The following PPP1CB variants were observed in gnomAD, a reference collection of about 807,000 sequenced individuals.
The protein encoded by PPP1CB is serine/threonine-protein phosphatase PP1-beta catalytic subunit.
In PPP1CB, 2 loss-of-function variants were observed where a neutral mutation model predicts 43.7. The ratio of observed to expected loss-of-function variants is 0.05; its 90% CI spans 0.02 to 0.14. The LOEUF (loss-of-function observed/expected upper bound fraction) is 0.14. Among genes scored for constraint, PPP1CB ranks in the 10% least tolerant of loss-of-function variants. The probability of loss-of-function intolerance (pLI) is 1.00; values close to 1 mark genes in which losing one functional copy is unlikely to be tolerated. For synonymous variants in PPP1CB, 136 were observed against 135.6 expected (o/e 1.00, Z -0.02); for missense variants, 84 against 398.0 (o/e 0.21, Z 6.71).
intron 1 of PPP1CB, 106 bp downstream of exon 1, chr2:28,752,282 G>A (rs905378380): frequency 2.7e-6 from 3 of 1,106,650 alleles, no homozygotes; most frequent in Non-Finnish European, 3.8e-6. Context: ...CCCGCCCCGA[G>A]ACGAGTCTCT....
At chr2:28,783,662 C>CA (rs1188261619) in intron 4 of PPP1CB, among the ~76,000 whole-genome samples, 1 of 151,496 alleles carries the variant, frequency 6.6e-6, no homozygotes, top group Non-Finnish European at 1.5e-5. Flanking sequence ...GAGACTGAGG[C>CA]AGGAGAATCG....
In PPP1CB at chr2:28,802,164, C is replaced by A. The variant is rs558599445; in HGVS notation, c.*2861C>A. On this transcript the variant is annotated 3_prime_UTR_variant, in exon 8 of 8. Transcript: ENST00000395366. ...TAGGCTTTTCAAAAAAATTTTTATT[C>A]AAGGCAAAGCAAGGAACATCTTGAG... 1 of 152,102 alleles carries A rather than the reference C, an allele frequency of 6.6e-6. No homozygotes were observed. Among genetic ancestry groups the A allele is most frequent in the East Asian group, 1.9e-4 (1 of 5,188 alleles). The allele number at this position is 152,102 out of a possible 1,614,324, so 9.4% of individuals were successfully genotyped here.
rs144335774 is a variant in PPP1CB at position 28,756,107 on chromosome 2, T to C, written c.52+3931T>C. Among the ~76,000 whole-genome samples the C allele has an allele frequency of 7.1e-3, 1,086 of 152,366 alleles. 11 individuals are homozygous for C. The highest frequency in any genetic ancestry group is 0.025 in the African/African-American group (1,031 of 41,584). ...TATGAGTTAATTTTTCATGTAGTATTACATCATGAACATTTTCCCTTGTCA... is the reference window on the plus strand; with the variant it reads ...TATGAGTTAATTTTTCATGTAGTATCACATCATGAACATTTTCCCTTGTCA... On this transcript the variant is annotated intron_variant, in intron 1 of 7. Transcript: ENST00000395366.
At chr2:28,760,533 T>C (rs1334046837) in intron 1 of PPP1CB, among the ~76,000 whole-genome samples, 1 of 152,222 alleles carries the variant, frequency 6.6e-6, no homozygotes, top group Non-Finnish European at 1.5e-5. Flanking sequence ...AAGTCCACTC[T>C]GTGATGTTTG....
intron 1 of PPP1CB, among the ~76,000 whole-genome samples, chr2:28,769,793 T>C (rs998419254): frequency 2.7e-5 from 4 of 150,860 alleles, no homozygotes; most frequent in Non-Finnish European, 4.4e-5. Context: ...AACCTCTAAA[T>C]GAAAAAAGAA....
chr2:28,792,671 G>A (rs1189859930), intron 6 of PPP1CB, among the ~76,000 whole-genome samples: 3 of 152,218 alleles, frequency 2.0e-5, no homozygotes, highest in Non-Finnish European at 2.9e-5. Context: ...GCAGAAGCAT[G>A]TTCCTAGTAC....
At chr2:28,792,295 G>A (rs1489925085) in intron 6 of PPP1CB, among the ~76,000 whole-genome samples, 2 of 151,422 alleles carry the variant, frequency 1.3e-5, no homozygotes, top group Non-Finnish European at 2.9e-5. Context: ...AGCCGAGATC[G>A]CGCCGTTGCA....
intron 5 of PPP1CB, among the ~76,000 whole-genome samples, chr2:28,786,191 G>A (rs1298884968): frequency 6.6e-6 from 1 of 152,080 alleles, no homozygotes; most frequent in African/African-American, 2.4e-5. Context: ...TCGGCTCACT[G>A]CAACCTCCAC....
chr2:28,757,556 C>T (rs1042063079), intron 1 of PPP1CB, among the ~76,000 whole-genome samples: 5 of 152,146 alleles, frequency 3.3e-5, no homozygotes, highest in African/African-American at 1.2e-4. Flanking sequence ...CGACAACCTC[C>T]ACTTCTGTAG....
chr2:28,755,207 C>T (rs925870084), intron 1 of PPP1CB, among the ~76,000 whole-genome samples: 1 of 152,016 alleles, frequency 6.6e-6, no homozygotes, highest in Admixed American at 6.6e-5. Flanking sequence ...CCACCACGCC[C>T]CGGCTAATTT....
intron 1 of PPP1CB, among the ~76,000 whole-genome samples, chr2:28,776,576 C>A (rs527908797): frequency 2.0e-5 from 3 of 152,206 alleles, no homozygotes; most frequent in South Asian, 4.1e-4. Context: ...TCTTTTAAGT[C>A]TCTTTGGCTA....
chr2:28,777,136 A>G (rs1667059658), intron 2 of PPP1CB, 154 bp downstream of exon 2: 2 of 716,628 alleles, frequency 2.8e-6, no homozygotes, highest in Non-Finnish European at 4.3e-6. Context: ...ACTTATAAAA[A>G]TGACAAGTTA....
At chr2:28,771,250 C>T (rs1413876129) in intron 1 of PPP1CB, among the ~76,000 whole-genome samples, 3 of 151,982 alleles carry the variant, frequency 2.0e-5, no homozygotes, top group Non-Finnish European at 2.9e-5. Flanking sequence ...GGCGGAGTTT[C>T]ACCATGTTGG....
intron 1 of PPP1CB, among the ~76,000 whole-genome samples, chr2:28,763,259 C>G (rs115375508): frequency 8.5e-4 from 129 of 152,242 alleles, no homozygotes; most frequent in African/African-American, 3.0e-3. Flanking sequence ...TAAAATTGAT[C>G]ATTTGTACTG....
At chr2:28,767,777 T>C (rs1327549009) in intron 1 of PPP1CB, among the ~76,000 whole-genome samples, 1 of 152,228 alleles carries the variant, frequency 6.6e-6, no homozygotes, top group Non-Finnish European at 1.5e-5. Flanking sequence ...TGTTTTGCTT[T>C]TTTGCAATCA....
At chr2:28,778,424 G>T (rs749931432) in intron 2 of PPP1CB, 9 of 473,510 alleles carry the variant, frequency 1.9e-5, no homozygotes, top group South Asian at 1.4e-4. Context: ...GTGATCTCGG[G>T]CTGCAGTCAT....
At position 28,798,904 on chromosome 2, in the gene PPP1CB, C is replaced by G. The variant is rs1667551095; in HGVS notation, c.880-295C>G. Among the ~76,000 whole-genome samples the G allele has an allele frequency of 2.0e-5, 3 of 151,834 alleles. No homozygotes were observed. The South Asian group carries it at 6.2e-4, about 31-fold the overall frequency. ...TGATGACAACATAGATCTTCTGACT[C>G]TTAAACCAGTGTTCTTTTCCTCACA... is the stretch of plus-strand genomic sequence containing the variant. On this transcript the variant is annotated intron_variant, in intron 7 of 7. Transcript: ENST00000395366.
chr2:28,768,347 C>T (rs1666827994), intron 1 of PPP1CB, among the ~76,000 whole-genome samples: 1 of 152,068 alleles, frequency 6.6e-6, no homozygotes, highest in South Asian at 2.1e-4. Flanking sequence ...AAGCTTAAGT[C>T]CAGGAGAGGA....
intron 6 of PPP1CB, among the ~76,000 whole-genome samples, chr2:28,790,581 C>T (rs1667365701): frequency 6.6e-6 from 1 of 152,126 alleles, no homozygotes; most frequent in African/African-American, 2.4e-5. Context: ...CCCAGGTGAT[C>T]TGCCCACCTC....
Sources: gnomAD v4.1 joint callset for allele counts (sites outside exome capture counted in the v4.1 genomes callset) on GRCh38, gnomAD v4.1.1 for gene constraint, MANE v1.5 for transcripts, NCBI Gene and HGNC (gene_info 2026-07-23, HGNC 2026-07-21) for gene names.